The following CXorf58 variants were observed in gnomAD, a reference collection of about 807,000 sequenced individuals.
CXorf58 encodes the protein uncharacterized protein CXorf58.
A neutral mutation model predicts 26.0 loss-of-function variants in CXorf58; 24 were observed. That is an observed-to-expected ratio of 0.92 (90% CI 0.67 to 1.30). CXorf58 has a LOEUF of 1.30. Among genes scored for constraint, CXorf58 ranks in the 50% most tolerant of loss-of-function variants. CXorf58 has a pLI of 0.00. For missense variants in CXorf58, 236 were observed against 263.9 expected (o/e 0.89, Z 0.73); for synonymous variants, 87 against 86.1 (o/e 1.01, Z -0.06).
intron 3 of CXorf58, among the ~76,000 whole-genome samples, chrX:23,913,942 T>C (rs1373668236): frequency 2.7e-5 from 3 of 111,394 alleles, no homozygotes; most frequent in Admixed American, 9.6e-5. Context: ...TTATCCATTG[T>C]CTTTGAATAT....
chrX:23,918,504 T>G (rs111395689), intron 5 of CXorf58, among the ~76,000 whole-genome samples: 8,230 of 111,910 alleles, frequency 0.074, 643 homozygotes, highest in African/African-American at 0.23. Flanking sequence ...ACTTTTTGTT[T>G]TTTCTATTAA....
chrX:23,929,801 A>G (rs1462043922), intron 6 of CXorf58, among the ~76,000 whole-genome samples: 1 of 112,591 alleles, frequency 8.9e-6, no homozygotes, highest in Non-Finnish European at 1.9e-5. Flanking sequence ...GCCTGGCTTC[A>G]AAGGACAGGC....
intron 1 of CXorf58, among the ~76,000 whole-genome samples, chrX:23,909,443 A>G (rs1430681775): frequency 8.9e-6 from 1 of 112,210 alleles, no homozygotes; most frequent in Non-Finnish European, 1.9e-5. Context: ...ACAAAAATAC[A>G]GTAGTTATTA....
At chrX:23,913,764 G>A (rs954608347) in intron 3 of CXorf58, among the ~76,000 whole-genome samples, 3 of 109,445 alleles carry the variant, frequency 2.7e-5, no homozygotes, top group East Asian at 6.0e-4. Flanking sequence ...AAAATTAGCC[G>A]GGCATGGTGG....
intron 4 of CXorf58, 87 bp from the exon 5 acceptor site, chrX:23,916,130 C>G (rs762643132): frequency 1.2e-5 from 6 of 516,889 alleles, no homozygotes; most frequent in Non-Finnish European, 1.9e-5. Context: ...ATGCAAGAAA[C>G]TATATGAACT....
intron 1 of CXorf58, among the ~76,000 whole-genome samples, chrX:23,909,539 C>T (rs1338392125): frequency 9.0e-6 from 1 of 111,359 alleles, no homozygotes; most frequent in Non-Finnish European, 1.9e-5. Flanking sequence ...ATTGGAGCAC[C>T]TTGTAATCCT....
At chrX:23,928,070 G>A (rs570069288) in intron 6 of CXorf58, among the ~76,000 whole-genome samples, 109 of 111,626 alleles carry the variant, frequency 9.8e-4, no homozygotes, top group African/African-American at 3.4e-3. Context: ...TATATGTAGG[G>A]AGCTAAGGAA....
intron 7 of CXorf58, among the ~76,000 whole-genome samples, chrX:23,936,233 G>A: frequency 9.0e-6 from 1 of 111,373 alleles, no homozygotes. Flanking sequence ...TGATGCAGGT[G>A]CTCATTTTTG....
chrX:23,938,088 A>G (rs983191211), intron 7 of CXorf58, among the ~76,000 whole-genome samples: 1 of 109,015 alleles, frequency 9.2e-6, no homozygotes, highest in Non-Finnish European at 1.9e-5. Context: ...CGGTTTCACC[A>G]TGTTGGCCAG....
At chrX:23,933,467 C>T (rs927382716) in intron 6 of CXorf58, among the ~76,000 whole-genome samples, 1 of 111,671 alleles carries the variant, frequency 9.0e-6, no homozygotes, top group African/African-American at 3.3e-5. Flanking sequence ...GGGATTTCTA[C>T]AAATACTCCA....
intron 5 of CXorf58, among the ~76,000 whole-genome samples, chrX:23,917,043 A>G (rs1480839761): frequency 9.2e-6 from 1 of 108,614 alleles, no homozygotes; most frequent in East Asian, 3.0e-4. Context: ...GCTATTGAAA[A>G]TGAACTTTCA....
intron 2 of CXorf58, 38 bp downstream of exon 2, chrX:23,910,456 A>C: frequency 2.7e-6 from 2 of 748,391 alleles, no homozygotes; most frequent in Non-Finnish European, 4.2e-6. Context: ...ATCTTCCACA[A>C]CTGTACAGTT....
At chrX:23,909,985 T>C (rs755142347) in intron 1 of CXorf58, among the ~76,000 whole-genome samples, 3 of 111,715 alleles carry the variant, frequency 2.7e-5, no homozygotes, top group African/African-American at 9.7e-5. Flanking sequence ...GTGAGGAGAT[T>C]GAATTATTGA....
intron 7 of CXorf58, among the ~76,000 whole-genome samples, chrX:23,935,971 C>T (rs1569256347): frequency 9.0e-6 from 1 of 110,815 alleles, no homozygotes; most frequent in Non-Finnish European, 1.9e-5. Flanking sequence ...ATGAGTTTCA[C>T]CATATTGGCC....
chrX:23,938,870 T>A (rs775257803), intron 8 of CXorf58, among the ~76,000 whole-genome samples, 170 bp downstream of exon 8: 39 of 112,071 alleles, frequency 3.5e-4, no homozygotes, highest in African/African-American at 1.1e-3. Context: ...TAACATTTTT[T>A]AAAAAATTCT....
At position 23,938,713 on chromosome X, in the gene CXorf58, T is replaced by C; in HGVS notation, c.939+13T>C. 7.3e-6 allele frequency: 8 copies of C among 1,092,668 alleles called. No homozygotes were observed. The highest frequency in any genetic ancestry group is 3.1e-5 in the East Asian group (1 of 32,756). The allele number at this position is 1,092,668 out of a possible 1,213,427, so 90.0% of individuals were successfully genotyped here. A position where few individuals can be genotyped will look rare whatever the true frequency, so the allele number is the denominator to read the frequency against. ...TTCTGAGGTGACTGTAAGTTTAACT[T>C]GTACTGAATTCATTGTTTTGGACAA... is the stretch of plus-strand genomic sequence containing the variant. On this transcript the variant is annotated intron_variant, in intron 8 of 8. Coordinates refer to ENST00000379211, the MANE Select transcript of CXorf58 (RefSeq NM_152761.3).
intron 6 of CXorf58, among the ~76,000 whole-genome samples, chrX:23,929,399 G>C (rs1455341912): frequency 3.4e-5 from 3 of 87,643 alleles, no homozygotes; most frequent in African/African-American, 9.8e-5. Flanking sequence ...GAGTGAGACT[G>C]TGTCTCAAAA....
At chrX:23,928,892 G>A (rs1192948428) in intron 6 of CXorf58, among the ~76,000 whole-genome samples, 1 of 111,224 alleles carries the variant, frequency 9.0e-6, no homozygotes, top group Non-Finnish European at 1.9e-5. Flanking sequence ...AGAGTCATGC[G>A]CCTCTCACTT....
chrX:23,925,346 C>CTTT (rs759663219), intron 5 of CXorf58, among the ~76,000 whole-genome samples: 2 of 91,954 alleles, frequency 2.2e-5, no homozygotes, highest in African/African-American at 4.1e-5. Context: ...TTTCTTTTCT[C>CTTT]TTTTTTTTTT....
Sources: gnomAD v4.1 joint callset for allele counts (sites outside exome capture counted in the v4.1 genomes callset) on GRCh38, gnomAD v4.1.1 for gene constraint, MANE v1.5 for transcripts, NCBI Gene and HGNC (gene_info 2026-07-23, HGNC 2026-07-21) for gene names.